Variants in CDKL2 observed in about 807,000 individuals in gnomAD.
CDKL2 encodes cyclin dependent kinase like 2.
Under a neutral mutation model 63.9 loss-of-function variants are expected in CDKL2, and 64 were observed. That is an observed-to-expected ratio of 1.00 (90% CI 0.82 to 1.23). The LOEUF is 1.23. Among genes scored for constraint, CDKL2 ranks in the 50% most tolerant of loss-of-function variants. CDKL2 has a pLI of 0.00. For missense variants in CDKL2, 656 were observed against 668.0 expected (o/e 0.98, Z 0.20); for synonymous variants, 211 against 229.2 (o/e 0.92, Z 0.72).
intron 3 of CDKL2, 26 bp from the exon 4 acceptor site, chr4:75,607,387 A>C (rs1259918441): frequency 6.3e-7 from 1 of 1,578,926 alleles, no homozygotes. Context: ...AGTGTGACGG[A>C]TGTTAAATAA....
rs573420486 is a variant in CDKL2, at chr4:75,577,008, G to T, written c.*2194C>A. Among the ~76,000 whole-genome samples, 25 of 152,090 alleles carry T rather than the reference G, an allele frequency of 1.6e-4. 1 individual carries two copies. The South Asian group carries it at 5.2e-3, about 32-fold the overall frequency. On this transcript the variant is annotated 3_prime_UTR_variant, in exon 14 of 14. Coordinates refer to ENST00000307465, the MANE Select transcript of CDKL2 (RefSeq NM_001330724.2). ...TCCCTACATCCAAAGTTTTCCAGAA[G>T]AATTAACAGATTTAAAACTTATTTG...
intron 2 of CDKL2, 152 bp from the exon 3 acceptor site, chr4:75,614,601 A>G: frequency 1.8e-6 from 1 of 543,836 alleles, no homozygotes; most frequent in Admixed American, 3.4e-5. Context: ...AAATTGTAAA[A>G]GCATATTCTG....
Position 75,597,128 on chromosome 4 carries a change from A to G in CDKL2, c.1129T>C (p.Cys377Arg). 6.2e-7 allele frequency: 1 copy of G among 1,614,182 alleles called. No individual in the cohort carries two copies. Among genetic ancestry groups the G allele is most frequent in the Non-Finnish European group, 8.5e-7 (1 of 1,180,014 alleles). The change falls in exon 9 of 14, where the codon TGT becomes CGT. Residue 377 changes from cysteine (C) to arginine (R), a missense_variant. Coordinates refer to ENST00000307465, the MANE Select transcript of CDKL2 (RefSeq NM_001330724.2). ...TGGCTTGTCCTACTGTCATGGAGAC[A>G]GCTGGCATTTGAAGCTCTATTGCCT... ...EKGNRASNAS[C>R]LHDSRTSHNK...
At chr4:75,589,504 C>A (rs1044067713) in intron 12 of CDKL2, among the ~76,000 whole-genome samples, 4 of 151,248 alleles carry the variant, frequency 2.6e-5, no homozygotes, top group Admixed American at 2.6e-4. Flanking sequence ...CGGGGTTTCA[C>A]CGTTTTAGCC....
At chr4:75,604,335 T>G (rs1218487295) in intron 5 of CDKL2, among the ~76,000 whole-genome samples, 1 of 152,234 alleles carries the variant, frequency 6.6e-6, no homozygotes, top group Non-Finnish European at 1.5e-5. Flanking sequence ...TGTGCTTATC[T>G]TAAAGTCAGA....
At chr4:75,606,665 TAAG>T (rs1456380913) in intron 4 of CDKL2, among the ~76,000 whole-genome samples, 3 of 152,190 alleles carry the variant, frequency 2.0e-5, no homozygotes, top group Non-Finnish European at 2.9e-5. Flanking sequence ...GGTAGCAAAA[TAAG>T]AACTCAGTAA....
rs1728055426 is a variant in CDKL2 at position 75,577,075 on chromosome 4, TAATTA to T, written c.*2122_*2126del. Among the ~76,000 whole-genome samples, 1 of 152,168 alleles carries T rather than the reference TAATTA, an allele frequency of 6.6e-6. No individual in the cohort carries two copies. ...AGTGTATATATTATTTATAGCCTCTTAATTAAATAAATCTAAATTTAAACCATCTA... is the reference window on the plus strand; with the variant it reads ...AGTGTATATATTATTTATAGCCTCTTAATAAATCTAAATTTAAACCATCTA... On this transcript the variant is annotated 3_prime_UTR_variant, in exon 14 of 14. Coordinates refer to ENST00000307465, the MANE Select transcript of CDKL2 (RefSeq NM_001330724.2).
chr4:75,629,847 A>G lies in CDKL2; in HGVS notation c.-30+195T>C, dbSNP rs189579822. On this transcript the variant is annotated intron_variant, in intron 1 of 13. Transcript: ENST00000307465. ...CAGCTACTTGGGAGGCTGAGGCAGGATAATCGCTTGAACCCAGGAGGCAGA... is the reference window on the plus strand; with the variant it reads ...CAGCTACTTGGGAGGCTGAGGCAGGGTAATCGCTTGAACCCAGGAGGCAGA... Among the ~76,000 whole-genome samples the G allele has an allele frequency of 2.1e-5, 3 of 145,780 alleles. No individual in the cohort carries two copies. The East Asian group carries it at 6.7e-4, about 33-fold the overall frequency.
At chr4:75,583,976 T>TAA (rs1728367729) in intron 12 of CDKL2, among the ~76,000 whole-genome samples, 1 of 152,244 alleles carries the variant, frequency 6.6e-6, no homozygotes, top group Admixed American at 6.5e-5. Flanking sequence ...GTTAATGGTC[T>TAA]AAACATTCTG....
At chr4:75,595,185 T>C (rs576248657) in intron 10 of CDKL2, among the ~76,000 whole-genome samples, 2 of 149,980 alleles carry the variant, frequency 1.3e-5, no homozygotes, top group East Asian at 2.0e-4. Flanking sequence ...TATAAATAAA[T>C]AGAATCGTTT....
At chr4:75,595,713 C>A (rs965686501) in intron 10 of CDKL2, among the ~76,000 whole-genome samples, 1 of 151,988 alleles carries the variant, frequency 6.6e-6, no homozygotes, top group African/African-American at 2.4e-5. Context: ...AGGTGGATCA[C>A]GAGGTCAGGA....
At chr4:75,622,548 G>A (rs755384434) in intron 2 of CDKL2, among the ~76,000 whole-genome samples, 6 of 151,302 alleles carry the variant, frequency 4.0e-5, no homozygotes, top group African/African-American at 7.3e-5. Flanking sequence ...GTGAAACCCC[G>A]TCTCTACTAA....
chr4:75,607,501 T>G, intron 3 of CDKL2, 140 bp from the exon 4 acceptor site: 2 of 548,456 alleles, frequency 3.6e-6, no homozygotes, highest in Admixed American at 3.0e-5. Context: ...CTCAACAACC[T>G]AGGACCTAGT....
At chr4:75,625,732 A>T in intron 2 of CDKL2, 89 bp downstream of exon 2, 1 of 884,212 alleles carries the variant, frequency 1.1e-6, no homozygotes. Flanking sequence ...AGATAAATGA[A>T]TTTGCATATC....
intron 2 of CDKL2, among the ~76,000 whole-genome samples, chr4:75,619,279 C>A (rs1331782387): frequency 6.6e-6 from 1 of 151,788 alleles, no homozygotes; most frequent in African/African-American, 2.4e-5. Context: ...TACAGGAAGC[C>A]CCACTTTTAG....
chr4:75,596,956 G>A lies in CDKL2; in HGVS notation c.1301C>T (p.Thr434Ile), dbSNP rs369720877. Residue 434 changes from threonine to isoleucine, a missense_variant, in exon 9 of 14, where the codon ACT becomes ATT. By Grantham distance (89) the Thr-to-Ile change is moderately conservative. Coordinates refer to ENST00000307465, the MANE Select transcript of CDKL2 (RefSeq NM_001330724.2). ...PSINSGMGTE[T>I]IPIQGYRVDE... The stretch of plus-strand genomic sequence containing the variant: ...ATACCTGTAACCCTGAATTGGTATA[G>A]TCTCAGTCCCCATTCCAGAATTAAT... 1.9e-6 allele frequency: 3 copies of A among 1,613,912 alleles called. No individual in the cohort carries two copies. The highest frequency in any genetic ancestry group is 2.5e-6 in the Non-Finnish European group (3 of 1,179,828).
rs1282550720 is a variant in CDKL2 at position 75,614,286 on chromosome 4, A to C, written c.332T>G (p.Ile111Ser). The part of the protein sequence containing the change: ...QVVQKYLFQI[I>S]NGIGFCHSHN... ...ACTGTGACAAAATCCAATTCCATTA[A>C]TAATCTGAAACAAATACTTTTGAAC... Residue 111 changes from isoleucine (I) to serine (S), a missense_variant, in exon 3 of 14, where the codon ATT (isoleucine) becomes AGT (serine). By Grantham distance (142) the Ile-to-Ser change is moderately radical. Coordinates refer to ENST00000307465, the MANE Select transcript of CDKL2 (RefSeq NM_001330724.2). 1 of 1,607,036 alleles carries C rather than the reference A, an allele frequency of 6.2e-7. No homozygotes were observed. Among genetic ancestry groups the C allele is most frequent in the Non-Finnish European group, 8.5e-7 (1 of 1,177,796 alleles).
chr4:75,612,222 G>A (rs1253875713), intron 3 of CDKL2, among the ~76,000 whole-genome samples: 1 of 152,072 alleles, frequency 6.6e-6, no homozygotes, highest in Non-Finnish European at 1.5e-5. Context: ...ATCAGACCAC[G>A]TCGGCCCCAC....
chr4:75,615,984 A>T (rs1381565229), intron 2 of CDKL2, among the ~76,000 whole-genome samples: 1 of 152,224 alleles, frequency 6.6e-6, no homozygotes, highest in African/African-American at 2.4e-5. Flanking sequence ...CGAGCAACAG[A>T]GCAAGACCTT....
Sources: gnomAD v4.1 joint callset for allele counts (sites outside exome capture counted in the v4.1 genomes callset) on GRCh38, gnomAD v4.1.1 for gene constraint, MANE v1.5 for transcripts, NCBI Gene and HGNC (gene_info 2026-07-23, HGNC 2026-07-21) for gene names.